Variants in BCKDHB observed in about 807,000 individuals in gnomAD.
BCKDHB encodes the protein branched chain keto acid dehydrogenase E1 subunit beta, also known as 2-oxoisovalerate dehydrogenase subunit beta, mitochondrial.
Under a neutral mutation model 48.5 loss-of-function variants are expected in BCKDHB, and 41 were observed. The observed-to-expected ratio is 0.85, with a 90% CI of 0.66 to 1.10. The LOEUF is 1.10. BCKDHB is among the 50% of genes least tolerant of loss of function. The probability of loss-of-function intolerance (pLI) is 0.00; values close to 1 mark genes in which losing one functional copy is unlikely to be tolerated. For synonymous variants in BCKDHB, 201 were observed against 174.8 expected (o/e 1.15, Z -1.18); for missense variants, 496 against 494.2 (o/e 1.00, Z -0.03).
At chr6:80,333,571 C>T (rs1004412013) in intron 9 of BCKDHB, among the ~76,000 whole-genome samples, 2 of 151,998 alleles carry the variant, frequency 1.3e-5, no homozygotes, top group Non-Finnish European at 2.9e-5. Context: ...GAATTGTTTG[C>T]GTGTCCATGG....
At chr6:80,133,605 G>A (rs1192163430) in intron 3 of BCKDHB, among the ~76,000 whole-genome samples, 1 of 152,164 alleles carries the variant, frequency 6.6e-6, no homozygotes, top group African/African-American at 2.4e-5. Context: ...GATTTGTAGG[G>A]TATGTGTGAT....
chr6:80,265,108 G>C (rs1384607007), intron 8 of BCKDHB, among the ~76,000 whole-genome samples: 1 of 152,028 alleles, frequency 6.6e-6, no homozygotes, highest in African/African-American at 2.4e-5. Flanking sequence ...ACTGTTGGTG[G>C]GAATGTAAAA....
chr6:80,456,017 C>T, the BCKDHB span, among the ~76,000 whole-genome samples: 1 of 151,892 alleles, frequency 6.6e-6, no homozygotes, highest in Non-Finnish European at 1.5e-5. Context: ...GAGTTTGAGA[C>T]CAGCCTAGCC....
chr6:80,441,886 G>C, the BCKDHB span, among the ~76,000 whole-genome samples: 1 of 152,084 alleles, frequency 6.6e-6, no homozygotes, highest in Non-Finnish European at 1.5e-5. Flanking sequence ...ATTTACAGTG[G>C]AATAGGAGAG....
At chr6:80,154,320 G>A (rs1771932959) in intron 3 of BCKDHB, among the ~76,000 whole-genome samples, 1 of 152,126 alleles carries the variant, frequency 6.6e-6, no homozygotes, top group Admixed American at 6.6e-5. Flanking sequence ...TATATCAAGT[G>A]ATATTTTTTA....
intron 6 of BCKDHB, among the ~76,000 whole-genome samples, chr6:80,194,687 C>T (rs540949988): frequency 6.6e-6 from 1 of 152,260 alleles, no homozygotes; most frequent in South Asian, 2.1e-4. Context: ...GACAGAGTGT[C>T]CATTTCAGTG....
At chr6:80,423,609 T>A in the BCKDHB span, among the ~76,000 whole-genome samples, 4 of 152,232 alleles carry the variant, frequency 2.6e-5, no homozygotes, top group African/African-American at 9.6e-5. Context: ...ATATTTAATC[T>A]CCACATCTCT....
At chr6:80,282,581 A>G (rs1766391056) in intron 9 of BCKDHB, among the ~76,000 whole-genome samples, 1 of 152,166 alleles carries the variant, frequency 6.6e-6, no homozygotes, top group South Asian at 2.1e-4. Flanking sequence ...AAATCATTAA[A>G]AGAGTAGTTG....
intron 3 of BCKDHB, among the ~76,000 whole-genome samples, chr6:80,157,008 G>C (rs1582251697): frequency 6.6e-6 from 1 of 152,058 alleles, no homozygotes; most frequent in East Asian, 1.9e-4. Context: ...ATTAAAAGTG[G>C]TTTAAGTTGG....
intron 3 of BCKDHB, among the ~76,000 whole-genome samples, chr6:80,144,435 A>G (rs893311022): frequency 6.6e-6 from 1 of 152,176 alleles, no homozygotes; most frequent in African/African-American, 2.4e-5. Context: ...GTTTATATGA[A>G]AAGAGAAAGT....
chr6:80,463,069 A>G, the BCKDHB span: 13 of 152,222 alleles, frequency 8.5e-5, no homozygotes, highest in Admixed American at 8.5e-4. Context: ...AAAAAGAAGG[A>G]TGAGTAAGTG....
At chr6:80,341,614 C>T (rs768129942) in intron 9 of BCKDHB, among the ~76,000 whole-genome samples, 2 of 152,168 alleles carry the variant, frequency 1.3e-5, no homozygotes, top group Non-Finnish European at 2.9e-5. Context: ...AGTCATTATG[C>T]TGAAAGGAGT....
chr6:80,314,586 T>C (rs1014637888), intron 9 of BCKDHB, among the ~76,000 whole-genome samples: 1 of 152,224 alleles, frequency 6.6e-6, no homozygotes, highest in African/African-American at 2.4e-5. Flanking sequence ...CGGGGTCTCA[T>C]TTAAAGAAGC....
intron 9 of BCKDHB, among the ~76,000 whole-genome samples, chr6:80,310,614 A>G (rs546005462): frequency 6.6e-6 from 1 of 152,160 alleles, no homozygotes; most frequent in Non-Finnish European, 1.5e-5. Context: ...TTGGGTATGT[A>G]ATCAGTAATG....
intron 9 of BCKDHB, among the ~76,000 whole-genome samples, chr6:80,302,441 G>A (rs1210763979): frequency 6.6e-6 from 1 of 152,104 alleles, no homozygotes; most frequent in African/African-American, 2.4e-5. Flanking sequence ...TTGTGAGGAT[G>A]CTTTCCTTTT....
chr6:80,243,483 AGTATT>A (rs1776478978), intron 8 of BCKDHB, among the ~76,000 whole-genome samples: 1 of 152,238 alleles, frequency 6.6e-6, no homozygotes, highest in Admixed American at 6.5e-5. Flanking sequence ...TATTAAATTA[AGTATT>A]GTTTGACAAC....
chr6:80,215,983 G>T (rs778038943), intron 8 of BCKDHB, among the ~76,000 whole-genome samples: 4 of 152,114 alleles, frequency 2.6e-5, no homozygotes, highest in Non-Finnish European at 4.4e-5. Context: ...CTCGTGATCC[G>T]CCTACCTCGG....
At chr6:80,295,941 A>G (rs925836885) in intron 9 of BCKDHB, among the ~76,000 whole-genome samples, 2 of 152,206 alleles carry the variant, frequency 1.3e-5, no homozygotes, top group African/African-American at 4.8e-5. Flanking sequence ...CAGTAATGTA[A>G]AATACAGGAG....
intron 8 of BCKDHB, among the ~76,000 whole-genome samples, chr6:80,268,855 C>T (rs1031096008): frequency 2.0e-5 from 3 of 152,106 alleles, no homozygotes; most frequent in African/African-American, 7.2e-5. Context: ...AACTTAGCAG[C>T]TCTCTTATTA....
Sources: gnomAD v4.1 joint callset for allele counts (sites outside exome capture counted in the v4.1 genomes callset) on GRCh38, gnomAD v4.1.1 for gene constraint, MANE v1.5 for transcripts, NCBI Gene and HGNC (gene_info 2026-07-23, HGNC 2026-07-21) for gene names.